ABHD12: variants seen among roughly 807,000 people sequenced by gnomAD.
ABHD12 encodes the protein lysophosphatidylserine lipase ABHD12.
ABHD12 carries 43 observed loss-of-function variants against 58.3 expected under a neutral mutation model. The ratio of observed to expected loss-of-function variants is 0.74; its 90% CI spans 0.58 to 0.95. The LOEUF (loss-of-function observed/expected upper bound fraction) is 0.95, where lower values mean the gene tolerates loss of function less well. ABHD12 is among the 40% of genes least tolerant of loss of function. The pLI is 0.00. For missense variants in ABHD12, 539 were observed against 537.2 expected (o/e 1.00, Z -0.03); for synonymous variants, 219 against 211.2 (o/e 1.04, Z -0.32).
downstream of ABHD12, among the ~76,000 whole-genome samples, chr20:25,299,967 C>T (rs768715944): frequency 1.3e-5 from 2 of 152,106 alleles, no homozygotes; most frequent in Admixed American, 6.5e-5. Flanking sequence ...AGTGTAACCG[C>T]GAGGACCTCT....
chr20:25,372,703 T>C (rs919778304), intron 1 of ABHD12, among the ~76,000 whole-genome samples: 2 of 152,224 alleles, frequency 1.3e-5, no homozygotes, highest in African/African-American at 4.8e-5. Flanking sequence ...GGTTGTCCCA[T>C]ATGATTATAA....
downstream of ABHD12, chr20:25,296,257 G>A: frequency 6.9e-6 from 9 of 1,311,320 alleles, no homozygotes; most frequent in South Asian, 1.0e-4. Flanking sequence ...TCCAGCGGAT[G>A]GCCCCAAGGC....
chr20:25,384,705 G>A (rs1010564979), intron 1 of ABHD12, among the ~76,000 whole-genome samples: 4 of 152,110 alleles, frequency 2.6e-5, no homozygotes, highest in Admixed American at 1.3e-4. Context: ...TGACTGCACT[G>A]CAGCACTCCA....
intron 1 of ABHD12, among the ~76,000 whole-genome samples, chr20:25,388,257 G>A (rs1206058166): frequency 2.0e-5 from 3 of 152,142 alleles, no homozygotes; most frequent in Non-Finnish European, 2.9e-5. Context: ...ACACAAACGA[G>A]CCGGCTCTGT....
intron 2 of ABHD12, among the ~76,000 whole-genome samples, chr20:25,324,954 C>A (rs1301339837): frequency 6.6e-6 from 1 of 152,148 alleles, no homozygotes; most frequent in Non-Finnish European, 1.5e-5. Flanking sequence ...CCATCACCAT[C>A]TGATGGCTCC....
At chr20:25,326,395 C>A (rs1215394838) in intron 2 of ABHD12, among the ~76,000 whole-genome samples, 1 of 152,184 alleles carries the variant, frequency 6.6e-6, no homozygotes, top group Non-Finnish European at 1.5e-5. Flanking sequence ...ATACAGGGCT[C>A]CTGACCTGTG....
chr20:25,346,105 G>A (rs994306568), intron 1 of ABHD12, among the ~76,000 whole-genome samples: 7 of 152,038 alleles, frequency 4.6e-5, no homozygotes, highest in Non-Finnish European at 1.0e-4. Context: ...TGGTACATCC[G>A]GACAATGGAA....
At chr20:25,321,712 A>G (rs1045898401) in intron 3 of ABHD12, among the ~76,000 whole-genome samples, 1 of 152,248 alleles carries the variant, frequency 6.6e-6, no homozygotes. Flanking sequence ...GGACAGACTC[A>G]TGTTAACCAA....
intron 1 of ABHD12, among the ~76,000 whole-genome samples, chr20:25,388,882 G>A (rs1178581232): frequency 2.1e-5 from 3 of 143,690 alleles, no homozygotes; most frequent in African/African-American, 7.6e-5. Flanking sequence ...TTGGCTCACC[G>A]CAACCTCCGC....
chr20:25,312,994 C>T (rs1175552631), intron 6 of ABHD12, among the ~76,000 whole-genome samples: 6 of 150,714 alleles, frequency 4.0e-5, no homozygotes, highest in Non-Finnish European at 7.4e-5. Context: ...CCAGCCACCC[C>T]GTCTGGGAGG....
At chr20:25,341,660 C>G (rs548437246) in intron 1 of ABHD12, among the ~76,000 whole-genome samples, 1 of 152,252 alleles carries the variant, frequency 6.6e-6, no homozygotes, top group South Asian at 2.1e-4. Context: ...TGCACCAAAC[C>G]TGCAACACAT....
At chr20:25,361,200 C>G (rs112454913) in intron 1 of ABHD12, among the ~76,000 whole-genome samples, 2,277 of 152,316 alleles carry the variant, frequency 0.015, 52 homozygotes, top group African/African-American at 0.046. Flanking sequence ...CTCACTCAGG[C>G]CCCTGCACTC....
intron 1 of ABHD12, chr20:25,339,792 A>G (rs902791209): frequency 4.0e-6 from 5 of 1,240,474 alleles, no homozygotes; most frequent in Non-Finnish European, 5.2e-6. Context: ...CCTGGTAGGA[A>G]GCACGTAGAC....
At chr20:25,349,734 G>C (rs572296326) in intron 1 of ABHD12, among the ~76,000 whole-genome samples, 1 of 152,218 alleles carries the variant, frequency 6.6e-6, no homozygotes, top group Non-Finnish European at 1.5e-5. Flanking sequence ...TGCTTACCAG[G>C]AGTTGTGGGA....
At chr20:25,322,438 G>A (rs1207349488) in intron 3 of ABHD12, among the ~76,000 whole-genome samples, 1 of 137,140 alleles carries the variant, frequency 7.3e-6, no homozygotes, top group Non-Finnish European at 1.6e-5. Flanking sequence ...GGAGTGCAGT[G>A]GCATAATCTC....
chr20:25,365,958 T>G (rs2089814666), intron 1 of ABHD12, among the ~76,000 whole-genome samples: 1 of 152,164 alleles, frequency 6.6e-6, no homozygotes, highest in Admixed American at 6.5e-5. Flanking sequence ...GAGGACTGCT[T>G]GAGCCCGGGA....
At chr20:25,341,749 G>A (rs889183929) in intron 1 of ABHD12, among the ~76,000 whole-genome samples, 2 of 152,160 alleles carry the variant, frequency 1.3e-5, no homozygotes, top group Admixed American at 6.5e-5. Flanking sequence ...CTGGCAGGGA[G>A]AAACTGGGTA....
At chr20:25,325,455 A>C (rs560181434) in intron 2 of ABHD12, among the ~76,000 whole-genome samples, 1 of 152,216 alleles carries the variant, frequency 6.6e-6, no homozygotes, top group Non-Finnish European at 1.5e-5. Context: ...GAGGTAATCA[A>C]GCTCAAATGA....
chr20:25,307,608 G>A (rs1241812611), intron 9 of ABHD12, among the ~76,000 whole-genome samples: 1 of 152,248 alleles, frequency 6.6e-6, no homozygotes, highest in Non-Finnish European at 1.5e-5. Flanking sequence ...GGTCCACACA[G>A]TCCAGCCCCC....
Sources: gnomAD v4.1 joint callset for allele counts (sites outside exome capture counted in the v4.1 genomes callset) on GRCh38, gnomAD v4.1.1 for gene constraint, MANE v1.5 for transcripts, NCBI Gene and HGNC (gene_info 2026-07-23, HGNC 2026-07-21) for gene names.